The following RUNX2 variants were observed in gnomAD, a reference collection of about 807,000 sequenced individuals.
RUNX2 encodes runt-related transcription factor 2.
A neutral mutation model predicts 51.7 loss-of-function variants in RUNX2; 10 were observed. The ratio of observed to expected loss-of-function variants is 0.19; its 90% CI spans 0.12 to 0.33. The LOEUF is 0.33. RUNX2 is among the 10% of genes least tolerant of loss of function. RUNX2 has a pLI of 1.00. For synonymous variants in RUNX2, 276 were observed against 273.6 expected, an observed-to-expected ratio of 1.01 and a Z score of -0.09; for missense variants, 562 against 691.3, an observed-to-expected ratio of 0.81 and a Z score of 2.10.
At chr6:45,521,005 C>G (rs1274215469) in intron 7 of RUNX2, among the ~76,000 whole-genome samples, 2 of 152,194 alleles carry the variant, frequency 1.3e-5, no homozygotes, top group Non-Finnish European at 2.9e-5. Context: ...TGTGAGGCCT[C>G]ATGCCCAGCC....
chr6:45,545,103 C>A, intron 7 of RUNX2, 114 bp from the exon 8 acceptor site: 2 of 850,114 alleles, frequency 2.4e-6, no homozygotes, highest in Admixed American at 4.0e-5. Flanking sequence ...GGGATGGGAA[C>A]CTCTCTGTCT....
intron 7 of RUNX2, among the ~76,000 whole-genome samples, chr6:45,543,011 C>T (rs1802279190): frequency 1.3e-5 from 2 of 152,114 alleles, no homozygotes; most frequent in African/African-American, 4.8e-5. Context: ...TATTTGAGTA[C>T]CTTGGGGGAT....
chr6:45,364,708 C>CT (rs1026861317), intron 2 of RUNX2, among the ~76,000 whole-genome samples: 1 of 152,146 alleles, frequency 6.6e-6, no homozygotes, highest in Non-Finnish European at 1.5e-5. Context: ...TTCAAATGCT[C>CT]TAAGTTTTTC....
At chr6:45,524,908 T>C (rs1039071358) in intron 7 of RUNX2, among the ~76,000 whole-genome samples, 1 of 152,138 alleles carries the variant, frequency 6.6e-6, no homozygotes, top group African/African-American at 2.4e-5. Context: ...GTCAAGAGAT[T>C]GAGACCATTC....
intron 2 of RUNX2, among the ~76,000 whole-genome samples, chr6:45,353,856 T>C (rs1275288577): frequency 6.8e-6 from 1 of 146,820 alleles, no homozygotes; most frequent in African/African-American, 2.5e-5. Context: ...ATAGGGAAAA[T>C]GCCAAATATA....
intron 5 of RUNX2, among the ~76,000 whole-genome samples, chr6:45,458,154 G>A (rs1333670880): frequency 1.3e-5 from 2 of 151,736 alleles, no homozygotes; most frequent in African/African-American, 2.4e-5. Context: ...AGCCTCCTGA[G>A]TAGCTGGGAT....
intron 2 of RUNX2, among the ~76,000 whole-genome samples, chr6:45,380,613 G>T (rs1376059080): frequency 6.6e-6 from 1 of 152,174 alleles, no homozygotes; most frequent in Non-Finnish European, 1.5e-5. Flanking sequence ...GTCTCGCTCT[G>T]TCACCCAGGC....
chr6:45,473,725 G>T (rs1299346853), intron 5 of RUNX2, among the ~76,000 whole-genome samples: 2 of 152,104 alleles, frequency 1.3e-5, no homozygotes, highest in African/African-American at 4.8e-5. Flanking sequence ...AGCCCTCTTT[G>T]GGTTCAGGAA....
chr6:45,331,373 G>A (rs1365350856), intron 2 of RUNX2, among the ~76,000 whole-genome samples: 1 of 151,932 alleles, frequency 6.6e-6, no homozygotes, highest in Non-Finnish European at 1.5e-5. Context: ...TGAACATGAT[G>A]TGTGAACACT....
Position 45,411,248 on chromosome 6 carries a change from T to G in RUNX2, c.59-11345T>G, listed in dbSNP as rs182157453. The stretch of plus-strand genomic sequence containing the variant: ...TAAATGAATTCAAACTAATTTATTT[T>G]TCTTTTCATATATGTCTAATAAAAA... On this transcript the variant is annotated intron_variant, in intron 2 of 8. Coordinates refer to ENST00000647337, the MANE Select transcript of RUNX2 (RefSeq NM_001024630.4). Among the ~76,000 whole-genome samples the G allele has an allele frequency of 8.5e-5, 13 of 152,352 alleles. No homozygotes were observed. In the East Asian group the frequency reaches 2.5e-3, roughly 29 times the overall value.
intron 5 of RUNX2, among the ~76,000 whole-genome samples, chr6:45,488,353 A>T (rs1800346833): frequency 6.6e-6 from 1 of 152,176 alleles, no homozygotes; most frequent in African/African-American, 2.4e-5. Context: ...AGAATAAAAA[A>T]TTCTGTTTTG....
Position 45,365,444 on chromosome 6 carries a change from A to T in RUNX2, c.58+36660A>T, listed in dbSNP as rs1794970893. 5.1e-6 allele frequency: 3 copies of T among 586,114 alleles called. No homozygotes were observed. The Admixed American group carries it at 9.2e-5, about 18-fold the overall frequency. 36.3% of individuals were successfully genotyped at this position (586,114 alleles called of 1,614,324 possible). ...TGTTTTGCACAAAACTGATTCACTT[A>T]TACTTAATGTTCTTTATTAAAATGA... On this transcript the variant is annotated intron_variant, in intron 2 of 8. Transcript: ENST00000647337.
intron 2 of RUNX2, among the ~76,000 whole-genome samples, chr6:45,420,466 T>A (rs926328546): frequency 1.5e-4 from 23 of 152,214 alleles, no homozygotes; most frequent in Non-Finnish European, 4.4e-5. Flanking sequence ...AATGGGTATG[T>A]GAATTGCTTT....
intron 6 of RUNX2, among the ~76,000 whole-genome samples, chr6:45,502,805 C>T (rs1800837277): frequency 6.6e-6 from 1 of 152,192 alleles, no homozygotes; most frequent in Admixed American, 6.5e-5. Flanking sequence ...TCACTCTATA[C>T]CTAAACATCT....
chr6:45,390,754 C>T (rs1797452929), intron 2 of RUNX2, among the ~76,000 whole-genome samples: 1 of 151,846 alleles, frequency 6.6e-6, no homozygotes, highest in Admixed American at 6.6e-5. Flanking sequence ...AGAGAAAGGC[C>T]AATGGAAATG....
At chr6:45,527,841 G>A (rs1222865407) in intron 7 of RUNX2, among the ~76,000 whole-genome samples, 1 of 152,154 alleles carries the variant, frequency 6.6e-6, no homozygotes, top group East Asian at 1.9e-4. Flanking sequence ...GTACAATGAT[G>A]TACAATGATG....
At chr6:45,361,142 A>G (rs1266295710) in intron 2 of RUNX2, among the ~76,000 whole-genome samples, 1 of 152,214 alleles carries the variant, frequency 6.6e-6, no homozygotes, top group Non-Finnish European at 1.5e-5. Flanking sequence ...CAAAAATTGC[A>G]GAACTGTACA....
chr6:45,479,231 G>A (rs1800042865), intron 5 of RUNX2, among the ~76,000 whole-genome samples: 1 of 152,110 alleles, frequency 6.6e-6, no homozygotes. Flanking sequence ...ATTCTTTCAG[G>A]GATTATCCCA....
intron 2 of RUNX2, among the ~76,000 whole-genome samples, chr6:45,333,917 T>C (rs1186084913): frequency 6.6e-6 from 1 of 151,320 alleles, no homozygotes; most frequent in Non-Finnish European, 1.5e-5. Context: ...TTTCATCTTT[T>C]AAATCAACTG....
Sources: gnomAD v4.1 joint callset for allele counts (sites outside exome capture counted in the v4.1 genomes callset) on GRCh38, gnomAD v4.1.1 for gene constraint, MANE v1.5 for transcripts, NCBI Gene and HGNC (gene_info 2026-07-23, HGNC 2026-07-21) for gene names.